The following RAB38 variants were observed in gnomAD, a reference collection of about 807,000 sequenced individuals.
The protein encoded by RAB38 is ras-related protein Rab-38.
RAB38 carries 15 observed loss-of-function variants against 18.4 expected under a neutral mutation model. The observed-to-expected ratio is 0.82, with a 90% confidence interval of 0.55 to 1.26. The LOEUF (loss-of-function observed/expected upper bound fraction) is 1.26. RAB38 is among the 50% of genes most tolerant of loss of function. The pLI is 0.00. For missense variants in RAB38, 294 were observed against 267.4 expected, an observed-to-expected ratio of 1.10 and a Z score of -0.69; for synonymous variants, 101 against 104.4, an observed-to-expected ratio of 0.97 and a Z score of 0.20.
At chr11:87,813,531 AC>A in the RAB38 span, among the ~76,000 whole-genome samples, 1 of 150,722 alleles carries the variant, frequency 6.6e-6, no homozygotes, top group Non-Finnish European at 1.5e-5. Flanking sequence ...ACACACACAC[AC>A]ACATCTCTGT....
At chr11:87,953,742 A>AGGGGAAAC in the RAB38 span, among the ~76,000 whole-genome samples, 1 of 152,150 alleles carries the variant, frequency 6.6e-6, no homozygotes, top group Non-Finnish European at 1.5e-5. Context: ...CCTGAAGATA[A>AGGGGAAAC]GGGGAAACTA....
chr11:87,948,379 C>A, the RAB38 span, among the ~76,000 whole-genome samples: 20 of 152,080 alleles, frequency 1.3e-4, no homozygotes, highest in African/African-American at 3.6e-4. Context: ...TAACTGAATA[C>A]CCTTTATTTC....
chr11:88,149,687 T>C lies in RAB38; in HGVS notation c.471A>G (p.Glu157=), dbSNP rs1489310983. ...AAAGTCACATTACCTTTGCTGATGT[T>C]TCAAACCATCCTACGAAACCGTGCT... ...CKEHGFVGWF[E]TSAKENINID... is the part of the protein sequence containing the mutation. The change falls in exon 2 of 3, where the codon GAA becomes GAG. Residue 157 remains glutamate, a synonymous_variant. Transcript: ENST00000243662. 14 of 1,610,450 alleles carry C rather than the reference T, an allele frequency of 8.7e-6. No individual in the cohort carries two copies. The highest frequency in any genetic ancestry group is 1.2e-5 in the Non-Finnish European group (14 of 1,176,990).
At chr11:87,872,377 G>A in the RAB38 span, among the ~76,000 whole-genome samples, 78 of 151,476 alleles carry the variant, frequency 5.1e-4, no homozygotes, top group East Asian at 0.014. Context: ...TCTCACATAC[G>A]CACAGCCTCC....
chr11:88,010,108 C>T, the RAB38 span, among the ~76,000 whole-genome samples: 1 of 152,160 alleles, frequency 6.6e-6, no homozygotes, highest in Non-Finnish European at 1.5e-5. Flanking sequence ...AAATTATCCA[C>T]TTGTGACATC....
chr11:88,167,836 T>A (rs886885773), intron 1 of RAB38: 1 of 152,142 alleles, frequency 6.6e-6, no homozygotes, highest in African/African-American at 2.4e-5. Context: ...TCCTAGAAGA[T>A]AAGGATCATC....
chr11:87,809,151 A>T, the RAB38 span, among the ~76,000 whole-genome samples: 2 of 152,196 alleles, frequency 1.3e-5, no homozygotes, highest in East Asian at 1.9e-4. Context: ...GAAGAAAGTG[A>T]TCTAATTTAA....
the RAB38 span, among the ~76,000 whole-genome samples, chr11:88,052,935 T>TATATATA: frequency 4.7e-5 from 4 of 85,792 alleles, 1 homozygote; most frequent in African/African-American, 1.6e-4. Context: ...TATATATATA[T>TATATATA]ATATATATAA....
chr11:88,155,063 T>C (rs1176967759), intron 1 of RAB38, among the ~76,000 whole-genome samples: 2 of 152,190 alleles, frequency 1.3e-5, no homozygotes, highest in African/African-American at 2.4e-5. Context: ...TCCCATGCAG[T>C]TGCGGCTGAA....
the RAB38 span, among the ~76,000 whole-genome samples, chr11:88,046,271 C>T: frequency 6.6e-6 from 1 of 152,126 alleles, no homozygotes; most frequent in Non-Finnish European, 1.5e-5. Context: ...CTTACAATTC[C>T]CCCATTTTAC....
chr11:88,031,322 A>T, the RAB38 span, among the ~76,000 whole-genome samples: 1 of 149,418 alleles, frequency 6.7e-6, no homozygotes, highest in Admixed American at 6.7e-5. Flanking sequence ...CTGGCACAAG[A>T]CAGGGATGTC....
chr11:87,906,555 C>A, the RAB38 span, among the ~76,000 whole-genome samples: 1 of 151,866 alleles, frequency 6.6e-6, no homozygotes, highest in African/African-American at 2.4e-5. Flanking sequence ...AAGCTAAAAT[C>A]TTTATTACAG....
the RAB38 span, among the ~76,000 whole-genome samples, chr11:88,006,827 A>G: frequency 6.6e-6 from 1 of 151,344 alleles, no homozygotes; most frequent in Non-Finnish European, 1.5e-5. Context: ...AGAGTAGAAT[A>G]GTGGTTATCA....
chr11:87,811,869 G>C, the RAB38 span, among the ~76,000 whole-genome samples: 1 of 152,176 alleles, frequency 6.6e-6, no homozygotes, highest in African/African-American at 2.4e-5. Context: ...GTTGAAAAGT[G>C]ATTGAAATTG....
chr11:87,815,482 C>T, the RAB38 span: 1 of 151,966 alleles, frequency 6.6e-6, no homozygotes, highest in Non-Finnish European at 1.5e-5. Flanking sequence ...CCTAGAATAT[C>T]TTTGGATTGT....
chr11:87,976,464 T>G, the RAB38 span, among the ~76,000 whole-genome samples: 2 of 134,496 alleles, frequency 1.5e-5, no homozygotes, highest in Admixed American at 8.1e-5. Context: ...AATATATATA[T>G]TTTACATATA....
chr11:88,121,046 C>A (rs192720158), intron 2 of RAB38, among the ~76,000 whole-genome samples: 2 of 152,152 alleles, frequency 1.3e-5, no homozygotes, highest in African/African-American at 4.8e-5. Flanking sequence ...ATAGAATGCG[C>A]CTCACCTCTT....
At chr11:87,846,028 G>T in the RAB38 span, among the ~76,000 whole-genome samples, 2 of 151,992 alleles carry the variant, frequency 1.3e-5, no homozygotes, top group East Asian at 3.9e-4. Flanking sequence ...AACGATAAAA[G>T]AAATTCTAAG....
the RAB38 span, among the ~76,000 whole-genome samples, chr11:88,083,457 A>G: frequency 2.0e-5 from 3 of 151,876 alleles, no homozygotes; most frequent in African/African-American, 7.2e-5. Context: ...ATAATTATGT[A>G]TTTAAAAATC....
Sources: allele counts gnomAD v4.1 joint callset (sites outside exome capture counted in the v4.1 genomes callset), GRCh38; gene constraint gnomAD v4.1.1; transcripts MANE v1.5; gene names NCBI Gene and HGNC (gene_info 2026-07-23, HGNC 2026-07-21).